Variants in EGF observed in about 807,000 individuals in gnomAD.
EGF encodes the protein pro-epidermal growth factor.
In EGF, 95 loss-of-function variants were observed where a neutral mutation model predicts 143.8. That is an observed-to-expected ratio of 0.66 (90% CI 0.56 to 0.78). EGF has a LOEUF of 0.78. Ranked by LOEUF, EGF falls within the 30% of genes least tolerant of loss-of-function variation. The pLI, the probability that EGF is intolerant of heterozygous loss-of-function variation, is 0.00. For synonymous variants in EGF, 510 were observed against 510.5 expected (o/e 1.00, Z 0.01); for missense variants, 1,320 against 1,470.9 (o/e 0.90, Z 1.68).
Position 109,992,170 on chromosome 4 carries a change from T to TAAAAAAAA in EGF, c.2735-1054_2735-1047dup, listed in dbSNP as rs58841408. 6.7e-4 allele frequency among the ~76,000 whole-genome samples: 44 copies of TAAAAAAAA among 65,622 alleles called. No individual in the cohort carries two copies. In the East Asian group the frequency reaches 9.5e-3, roughly 14 times the overall value. The allele number at this position is 65,622 out of a possible 152,430, so 43.1% of individuals were successfully genotyped here. ...TCCTTAGCAACCAAGCAAGATTCTT[T>TAAAAAAAA]AAAAAAAAAAAAAAAAAAAAAAAAA... On this transcript the variant is annotated intron_variant, in intron 18 of 23. Transcript: ENST00000265171.
chr4:109,969,237 T>C (rs1483004376), intron 11 of EGF, 118 bp downstream of exon 11: 3 of 1,426,126 alleles, frequency 2.1e-6, no homozygotes, highest in East Asian at 2.3e-5. Context: ...TTGGTTGGGA[T>C]TGGAGAAAAG....
chr4:109,941,174 G>A, intron 2 of EGF, 29 bp downstream of exon 2: 2 of 1,600,940 alleles, frequency 1.2e-6, no homozygotes, highest in Non-Finnish European at 1.7e-6. Context: ...CAGTGTTTGA[G>A]CTGTTTTTGT....
intron 20 of EGF, among the ~76,000 whole-genome samples, chr4:109,996,457 T>C (rs1751804601): frequency 1.3e-5 from 2 of 152,230 alleles, no homozygotes; most frequent in South Asian, 4.1e-4. Context: ...ATAACCTTGT[T>C]TTTAAATTGT....
Position 109,993,246 on chromosome 4 carries a change from G to A in EGF, c.2735-1G>A. 6.2e-7 allele frequency: 1 copy of A among 1,613,722 alleles called. No individual in the cohort carries two copies. Among genetic ancestry groups the A allele is most frequent in the South Asian group, 1.1e-5 (1 of 91,058 alleles). Reference sequence around the variant, plus strand: ...CTCCCGTACTCTGTCTTTTCTGACAGATATTGATGAGTGCCAACTGGGGGA... The same window carrying A: ...CTCCCGTACTCTGTCTTTTCTGACAAATATTGATGAGTGCCAACTGGGGGA... On this transcript the variant is annotated splice_acceptor_variant, in intron 18 of 23. Transcript: ENST00000265171. LOFTEE classifies it high-confidence loss of function.
intron 23 of EGF, among the ~76,000 whole-genome samples, chr4:110,008,539 C>A (rs749520315): frequency 6.6e-6 from 1 of 152,060 alleles, no homozygotes; most frequent in Non-Finnish European, 1.5e-5. Flanking sequence ...TTCTTAAGGT[C>A]CAGGATCTAT....
intron 1 of EGF, among the ~76,000 whole-genome samples, chr4:109,915,866 G>A (rs1736556226): frequency 6.6e-6 from 1 of 152,168 alleles, no homozygotes; most frequent in Non-Finnish European, 1.5e-5. Flanking sequence ...CCAAGTGATA[G>A]CAACACAATT....
chr4:110,001,530 GAA>G, intron 21 of EGF: 3 of 797,284 alleles, frequency 3.8e-6, no homozygotes, highest in Admixed American at 1.3e-4. Context: ...CAAAGGGCAG[GAA>G]AAAAAAATGG....
intron 21 of EGF, chr4:110,004,247 CACACAA>C (rs1362606445): frequency 1.0e-5 from 5 of 491,042 alleles, no homozygotes; most frequent in African/African-American, 7.9e-5. Flanking sequence ...CACACACACA[CACACAA>C]ACACACACAC....
chr4:110,013,166 A>C lies in EGF; in HGVS notation c.*1711A>C, dbSNP rs927430387. Among the ~76,000 whole-genome samples, 1 of 152,228 alleles carries C rather than the reference A, an allele frequency of 6.6e-6. No individual in the cohort carries two copies. Among genetic ancestry groups the C allele is most frequent in the Non-Finnish European group, 1.5e-5 (1 of 68,032 alleles). ...CTATTTCTGCTGAGTCACTGGCCTCAGAAAAATAATAACCATAATTTCCCC... is the reference window on the plus strand; with the variant it reads ...CTATTTCTGCTGAGTCACTGGCCTCCGAAAAATAATAACCATAATTTCCCC... On this transcript the variant is annotated 3_prime_UTR_variant, in exon 24 of 24. Coordinates refer to ENST00000265171, the MANE Select transcript of EGF (RefSeq NM_001963.6).
intron 23 of EGF, among the ~76,000 whole-genome samples, chr4:110,008,815 G>C (rs1753648918): frequency 6.6e-6 from 1 of 152,134 alleles, no homozygotes; most frequent in Non-Finnish European, 1.5e-5. Context: ...AGATAGAAAT[G>C]AACTCAGATA....
At chr4:109,997,654 G>C (rs1752008237) in intron 20 of EGF, among the ~76,000 whole-genome samples, 1 of 152,106 alleles carries the variant, frequency 6.6e-6, no homozygotes, top group African/African-American at 2.4e-5. Flanking sequence ...GTTTCACCGT[G>C]TTAGCCAGGA....
rs776036080 is a variant in EGF at position 109,913,397 on chromosome 4, C to T, written c.62C>T (p.Ser21Leu). Residue 21 changes from serine (S) to leucine (L), a missense_variant, in exon 1 of 24, where the codon TCA becomes TTA. Physicochemically the swap from Ser to Leu is moderately radical, Grantham distance 145. Transcript: ENST00000265171. The part of the protein sequence containing the change: ...VVSKFSFVSL[S>L]APQHWSCPEG... ...TCAAAATTTAGTTTTGTTAGTCTCT[C>T]AGCACCGCAGCACTGGAGCTGTCCT... 1.9e-6 allele frequency: 3 copies of T among 1,614,000 alleles called. No homozygotes were observed. Among genetic ancestry groups the T allele is most frequent in the South Asian group, 2.2e-5 (2 of 91,072 alleles).
At chr4:109,941,727 G>A (rs1236657416) in intron 2 of EGF, among the ~76,000 whole-genome samples, 1 of 152,124 alleles carries the variant, frequency 6.6e-6, no homozygotes, top group East Asian at 1.9e-4. Flanking sequence ...ATGGGTTTTG[G>A]CACCTGACAC....
At chr4:109,990,614 G>A (rs188467489) in intron 18 of EGF, among the ~76,000 whole-genome samples, 128 of 152,278 alleles carry the variant, frequency 8.4e-4, no homozygotes, top group South Asian at 6.6e-3. Flanking sequence ...TCCTAGACTG[G>A]ATGGCCTAAG....
chr4:109,992,785 A>C (rs1751166617), intron 18 of EGF, among the ~76,000 whole-genome samples: 1 of 152,098 alleles, frequency 6.6e-6, no homozygotes, highest in Admixed American at 6.5e-5. Flanking sequence ...TGATGAGTTC[A>C]TGTCCTTTGT....
intron 11 of EGF, among the ~76,000 whole-genome samples, chr4:109,972,073 G>C (rs985348117): frequency 2.6e-5 from 4 of 152,058 alleles, no homozygotes; most frequent in Admixed American, 6.6e-5. Flanking sequence ...TTCTAGGGTT[G>C]TTGATGGACA....
intron 1 of EGF, among the ~76,000 whole-genome samples, chr4:109,940,038 G>A (rs1191624335): frequency 1.3e-5 from 2 of 152,174 alleles, no homozygotes; most frequent in African/African-American, 4.8e-5. Flanking sequence ...TCATCTCAGA[G>A]CATCACAGGC....
chr4:109,944,152 C>A, intron 4 of EGF, 83 bp downstream of exon 4: 2 of 1,407,064 alleles, frequency 1.4e-6, no homozygotes, highest in Non-Finnish European at 2.0e-6. Flanking sequence ...GTCAATGGAA[C>A]TGGTATAGTG....
chr4:109,987,957 A>C, intron 17 of EGF, 97 bp downstream of exon 17: 1 of 970,434 alleles, frequency 1.0e-6, no homozygotes, highest in Non-Finnish European at 1.7e-6. Context: ...GGATTTATGT[A>C]ATCAGCAGAT....
Sources: allele counts gnomAD v4.1 joint callset (sites outside exome capture counted in the v4.1 genomes callset), GRCh38; gene constraint gnomAD v4.1.1; transcripts MANE v1.5; gene names NCBI Gene and HGNC (gene_info 2026-07-23, HGNC 2026-07-21).